The following NALF1 variants were observed in gnomAD, a reference collection of about 807,000 sequenced individuals.
The protein encoded by NALF1 is NALCN channel auxiliary factor 1, also known as family with sequence similarity 155 member A.
Under a neutral mutation model 48.4 loss-of-function variants are expected in NALF1, and 3 were observed. The ratio of observed to expected loss-of-function variants is 0.06; its 90% CI spans 0.03 to 0.16. The LOEUF (loss-of-function observed/expected upper bound fraction) is 0.16, where lower values mean the gene tolerates loss of function less well. NALF1 is among the 10% of genes least tolerant of loss of function. The pLI is 1.00. For synonymous variants in NALF1, 262 were observed against 245.7 expected (o/e 1.07, Z -0.62); for missense variants, 526 against 571.5 (o/e 0.92, Z 0.81).
At chr13:107,186,872 G>C (rs77382082) in intron 2 of NALF1, among the ~76,000 whole-genome samples, 1,856 of 152,282 alleles carry the variant, frequency 0.012, 13 homozygotes, top group Non-Finnish European at 0.018. Context: ...CTGAAATCAA[G>C]GTATGGGATT....
intron 1 of NALF1, among the ~76,000 whole-genome samples, chr13:107,273,058 GTC>G (rs1881208168): frequency 6.6e-6 from 1 of 152,148 alleles, no homozygotes; most frequent in African/African-American, 2.4e-5. Context: ...ATCTTCCCCT[GTC>G]TCTCTCCTTT....
chr13:107,830,100 A>G (rs907036440), intron 1 of NALF1, among the ~76,000 whole-genome samples: 1 of 152,152 alleles, frequency 6.6e-6, no homozygotes, highest in African/African-American at 2.4e-5. Flanking sequence ...CTACACTGAG[A>G]ACAATTCGGC....
intron 1 of NALF1, among the ~76,000 whole-genome samples, chr13:107,668,824 G>A (rs1880920670): frequency 6.6e-6 from 1 of 151,960 alleles, no homozygotes; most frequent in South Asian, 2.1e-4. Context: ...CTGCCTCAGA[G>A]AAACAGCATG....
intron 1 of NALF1, among the ~76,000 whole-genome samples, chr13:107,411,215 T>G (rs1417542977): frequency 6.6e-6 from 1 of 152,100 alleles, no homozygotes; most frequent in East Asian, 1.9e-4. Context: ...GATTTTTCTT[T>G]GTTGCAGTGC....
intron 1 of NALF1, among the ~76,000 whole-genome samples, chr13:107,773,602 T>C (rs1877639627): frequency 6.6e-6 from 1 of 151,554 alleles, no homozygotes; most frequent in Admixed American, 6.6e-5. Context: ...CAGTATGCGT[T>C]TTTAGGCTTT....
intron 1 of NALF1, among the ~76,000 whole-genome samples, chr13:107,325,270 C>A (rs1221970626): frequency 6.6e-6 from 1 of 152,002 alleles, no homozygotes; most frequent in Non-Finnish European, 1.5e-5. Flanking sequence ...AATATAAAAT[C>A]ATATAATGGC....
intron 2 of NALF1, among the ~76,000 whole-genome samples, chr13:107,183,429 G>C (rs920892076): frequency 2.6e-5 from 4 of 152,208 alleles, no homozygotes; most frequent in Non-Finnish European, 5.9e-5. Flanking sequence ...GTGAAAGATA[G>C]TGTGGCTATT....
At chr13:107,385,834 A>ACT (rs1883521609) in intron 1 of NALF1, among the ~76,000 whole-genome samples, 1 of 152,186 alleles carries the variant, frequency 6.6e-6, no homozygotes, top group Non-Finnish European at 1.5e-5. Flanking sequence ...ATATTTTTAA[A>ACT]CATTTTTTTC....
chr13:107,692,870 A>G (rs1184264120), intron 1 of NALF1, among the ~76,000 whole-genome samples: 1 of 152,172 alleles, frequency 6.6e-6, no homozygotes, highest in Non-Finnish European at 1.5e-5. Context: ...TATTAAATGA[A>G]CTTTAATTTC....
chr13:107,171,665 A>G (rs2806521), intron 2 of NALF1, among the ~76,000 whole-genome samples: 111,445 of 152,122 alleles, frequency 0.73, 41,140 homozygotes, highest in African/African-American at 0.83. Context: ...AAAGAATAAA[A>G]CAACTGTGTA....
At chr13:107,488,587 A>G (rs568115678) in intron 1 of NALF1, among the ~76,000 whole-genome samples, 63 of 152,292 alleles carry the variant, frequency 4.1e-4, no homozygotes, top group Admixed American at 1.5e-3. Context: ...TTTATGTTAA[A>G]AACTCTTGAT....
chr13:107,336,446 A>G (rs1882558639), intron 1 of NALF1, among the ~76,000 whole-genome samples: 1 of 152,078 alleles, frequency 6.6e-6, no homozygotes, highest in African/African-American at 2.4e-5. Context: ...GCTTCACAGT[A>G]TACATTCTAC....
At chr13:107,765,244 T>C (rs544518769) in intron 1 of NALF1, among the ~76,000 whole-genome samples, 32 of 152,264 alleles carry the variant, frequency 2.1e-4, no homozygotes, top group African/African-American at 7.7e-4. Context: ...AATTGCAATT[T>C]ACAGATTTTT....
chr13:107,337,398 T>G (rs9520392), intron 1 of NALF1, among the ~76,000 whole-genome samples: 125,036 of 152,056 alleles, frequency 0.82, 52,871 homozygotes, highest in Non-Finnish European at 0.92. Flanking sequence ...GTTTAAATTC[T>G]CTTTTTTCTT....
chr13:107,212,453 A>G (rs1035081691), intron 1 of NALF1, among the ~76,000 whole-genome samples: 5 of 152,214 alleles, frequency 3.3e-5, no homozygotes, highest in African/African-American at 1.2e-4. Flanking sequence ...AAGAATTCTT[A>G]TGCCAACTGG....
intron 1 of NALF1, among the ~76,000 whole-genome samples, chr13:107,636,470 C>T (rs1879979664): frequency 6.6e-6 from 1 of 152,134 alleles, no homozygotes; most frequent in African/African-American, 2.4e-5. Context: ...ATCAAGAAGA[C>T]TAACATTTAA....
intron 1 of NALF1, among the ~76,000 whole-genome samples, chr13:107,556,477 ATTTTAT>A (rs1285961091): frequency 3.3e-5 from 5 of 151,738 alleles, no homozygotes; most frequent in Non-Finnish European, 7.4e-5. Context: ...TTATCTGTTT[ATTTTAT>A]TTTTATTTAT....
At chr13:107,226,343 C>G (rs1296666573) in intron 1 of NALF1, among the ~76,000 whole-genome samples, 1 of 152,168 alleles carries the variant, frequency 6.6e-6, no homozygotes, top group South Asian at 2.1e-4. Context: ...CAGAAAATAT[C>G]TTTTACATTT....
At chr13:107,569,329 A>G (rs879469032) in intron 1 of NALF1, among the ~76,000 whole-genome samples, 11 of 152,180 alleles carry the variant, frequency 7.2e-5, no homozygotes, top group African/African-American at 1.7e-4. Context: ...AAAGTTAGCC[A>G]GGCGTGGTGG....
Sources: allele counts gnomAD v4.1 joint callset (sites outside exome capture counted in the v4.1 genomes callset), GRCh38; gene constraint gnomAD v4.1.1; transcripts MANE v1.5; gene names NCBI Gene and HGNC (gene_info 2026-07-23, HGNC 2026-07-21).